Variants in RILPL1 observed in about 807,000 individuals in gnomAD.
RILPL1 encodes the protein Rab interacting lysosomal protein like 1.
RILPL1 carries 33 observed loss-of-function variants against 50.3 expected under a neutral mutation model. The ratio of observed to expected loss-of-function variants is 0.66; its 90% CI spans 0.50 to 0.88. The LOEUF is 0.88. Ranked by LOEUF, RILPL1 falls within the 40% of genes least tolerant of loss-of-function variation. RILPL1 has a pLI of 0.00. For missense variants in RILPL1, 418 were observed against 542.5 expected, an observed-to-expected ratio of 0.77 and a Z score of 2.28; for synonymous variants, 205 against 228.6, an observed-to-expected ratio of 0.90 and a Z score of 0.93.
intron 2 of RILPL1, among the ~76,000 whole-genome samples, chr12:123,508,241 A>C (rs1258571238): frequency 6.6e-6 from 1 of 152,062 alleles, no homozygotes; most frequent in Non-Finnish European, 1.5e-5. Flanking sequence ...TAAAAATAAA[A>C]AAATTAGCCA....
rs1883148687 is a variant in RILPL1 at position 123,498,167 on chromosome 12, C to T, written c.801+377G>A. 6.6e-6 allele frequency among the ~76,000 whole-genome samples: 1 copy of T among 152,014 alleles called. No homozygotes were observed. The highest frequency in any genetic ancestry group is 1.5e-5 in the Non-Finnish European group (1 of 68,004). ...GGGTTCCAACCCCTCAGCTGTGTGT[C>T]CTCAGGCCAGTAGCTTGTTCTCTCT... is the stretch of plus-strand genomic sequence containing the variant. On this transcript the variant is annotated intron_variant, in intron 4 of 6. Transcript: ENST00000376874. This position sits in a 1 kb window ranked among gnomAD's most constrained non-coding sequence, Gnocchi z 4.3.
In RILPL1 at chr12:123,479,100, G is replaced by A. The variant is rs77480543; in HGVS notation, c.1067+5080C>T. Reference sequence around the variant, plus strand: ...CCACCAGAGACTCGGGGAGGGGAGCGGGAAAATGGTGGCGGGGGTGGGAGC... The same window carrying A: ...CCACCAGAGACTCGGGGAGGGGAGCAGGAAAATGGTGGCGGGGGTGGGAGC... On this transcript the variant is annotated intron_variant, in intron 6 of 6. Transcript: ENST00000376874. Among the ~76,000 whole-genome samples, 248 of 152,218 alleles carry A rather than the reference G, an allele frequency of 1.6e-3. 4 individuals are homozygous for A. In the East Asian group the frequency reaches 0.032, roughly 20 times the overall value.
chr12:123,480,638 G>A (rs1307057246), intron 6 of RILPL1, among the ~76,000 whole-genome samples: 1 of 151,964 alleles, frequency 6.6e-6, no homozygotes, highest in Non-Finnish European at 1.5e-5. Context: ...GATAGATTCT[G>A]CTCATCCTCA....
chr12:123,529,529 G>A (rs927736762), intron 1 of RILPL1, among the ~76,000 whole-genome samples: 13 of 151,990 alleles, frequency 8.6e-5, no homozygotes, highest in East Asian at 1.9e-4. Flanking sequence ...CAGCTGCCTC[G>A]GCCTCCCAAA....
intron 6 of RILPL1, among the ~76,000 whole-genome samples, chr12:123,482,620 C>CT (rs1203812533): frequency 0.028 from 3,904 of 139,870 alleles, 181 homozygotes; most frequent in African/African-American, 0.093. Context: ...CTCTCTCTCT[C>CT]TTTTTTTTTT....
intron 2 of RILPL1, among the ~76,000 whole-genome samples, chr12:123,501,378 G>A (rs1173139700): frequency 1.3e-5 from 2 of 151,958 alleles, no homozygotes; most frequent in Non-Finnish European, 2.9e-5. Context: ...CCAGGAGTTC[G>A]AGGCTGCAGT....
At chr12:123,521,628 T>C (rs866648013) in intron 2 of RILPL1, among the ~76,000 whole-genome samples, 3 of 7,158 alleles carry the variant, frequency 4.2e-4, no homozygotes, top group Non-Finnish European at 1.5e-3. Context: ...TGTATATATA[T>C]ACACACATAT....
At chr12:123,511,118 T>C (rs1371765646) in intron 2 of RILPL1, among the ~76,000 whole-genome samples, 5 of 66,100 alleles carry the variant, frequency 7.6e-5, no homozygotes, top group Non-Finnish European at 1.6e-4. Context: ...GTGTGTGTGG[T>C]GTGTGAGGTC....
Position 123,485,591 on chromosome 12 carries a change from G to A in RILPL1, c.974+42C>T. 2 of 1,591,572 alleles carry A rather than the reference G, an allele frequency of 1.3e-6. No individual in the cohort carries two copies. Among genetic ancestry groups the A allele is most frequent in the Non-Finnish European group, 1.7e-6 (2 of 1,166,162 alleles). ...TGTACAGAAACTCTGGCTAACCTCA[G>A]TAAGGAGCCAGCTCGGGCCATCCAG... is the stretch of plus-strand genomic sequence containing the variant. On this transcript the variant is annotated intron_variant, in intron 5 of 6. Transcript: ENST00000376874. This position sits in a 1 kb window ranked among gnomAD's most constrained non-coding sequence, Gnocchi z 4.0.
At chr12:123,517,404 A>T (rs948798811) in intron 2 of RILPL1, among the ~76,000 whole-genome samples, 2 of 150,450 alleles carry the variant, frequency 1.3e-5, no homozygotes, top group Non-Finnish European at 3.0e-5. Context: ...GAGAGAGGGC[A>T]CAGCAATTTT....
At chr12:123,501,372 G>T (rs1313557491) in intron 2 of RILPL1, among the ~76,000 whole-genome samples, 1 of 151,972 alleles carries the variant, frequency 6.6e-6, no homozygotes, top group Admixed American at 6.6e-5. Context: ...TTGAGCCCAG[G>T]AGTTCGAGGC....
At chr12:123,516,702 G>A (rs1884715940) in intron 2 of RILPL1, among the ~76,000 whole-genome samples, 1 of 152,174 alleles carries the variant, frequency 6.6e-6, no homozygotes, top group Non-Finnish European at 1.5e-5. Flanking sequence ...AATTAGTTAA[G>A]ATGAAGTCAT....
At position 123,499,430 on chromosome 12, in the gene RILPL1, C is replaced by G; in HGVS notation, c.567G>C (p.Glu189Asp). The part of the protein sequence containing the change: ...AKDRELGLKN[E>D]DVEALQQQQT... ...GTGTGTCACTCACAGCCTCAACGTCCTCATTTTTCAGGCCCAGCTCCCTGT... is the reference window on the plus strand; with the variant it reads ...GTGTGTCACTCACAGCCTCAACGTCGTCATTTTTCAGGCCCAGCTCCCTGT... Residue 189 changes from glutamate to aspartate, a missense_variant, in exon 3 of 7, where the codon GAG (glutamate) becomes GAC (aspartate). Physicochemically the swap from Glu to Asp is conservative, Grantham distance 45. Transcript: ENST00000376874. 6.2e-7 allele frequency: 1 copy of G among 1,613,570 alleles called. No individual in the cohort carries two copies.
At position 123,471,563 on chromosome 12, in the gene RILPL1, C is replaced by G. The variant is rs1881191333; in HGVS notation, c.*975G>C. On this transcript the variant is annotated 3_prime_UTR_variant, in exon 7 of 7. Coordinates refer to ENST00000376874, the MANE Select transcript of RILPL1 (RefSeq NM_178314.5). ...CAACTCACCAGTTGCAGTAGAGCAT[C>G]TGGCTCTCTGTCTGCTGCTATAGCC... The G allele has an allele frequency of 6.6e-6, 1 of 152,186 alleles. No homozygotes were observed. Among genetic ancestry groups the G allele is most frequent in the Admixed American group, 6.6e-5 (1 of 15,252 alleles). 9.4% of individuals were successfully genotyped at this position (152,186 alleles called of 1,614,324 possible).
chr12:123,481,559 CTTT>C (rs113872165), intron 6 of RILPL1, among the ~76,000 whole-genome samples: 2 of 141,874 alleles, frequency 1.4e-5, no homozygotes. Flanking sequence ...AATTTGTTTT[CTTT>C]TTTTTTTTTT....
intron 4 of RILPL1, among the ~76,000 whole-genome samples, chr12:123,492,296 T>C (rs1190050486): frequency 6.6e-6 from 1 of 151,934 alleles, no homozygotes; most frequent in Non-Finnish European, 1.5e-5. Context: ...TATGAGAACC[T>C]GGATTAACAA....
chr12:123,501,489 C>T (rs532037725), intron 2 of RILPL1, among the ~76,000 whole-genome samples: 8 of 151,548 alleles, frequency 5.3e-5, no homozygotes, highest in African/African-American at 2.4e-5. Context: ...GGCTGGGTGC[C>T]GGTGGCTCAC....
At chr12:123,486,120 C>T (rs779521262) in intron 4 of RILPL1, among the ~76,000 whole-genome samples, 1 of 152,198 alleles carries the variant, frequency 6.6e-6, no homozygotes, top group Non-Finnish European at 1.5e-5. Context: ...CCTCCCCTGC[C>T]CCCACCCTCG....
intron 2 of RILPL1, among the ~76,000 whole-genome samples, 169 bp downstream of exon 2, chr12:123,523,326 T>C (rs1036119679): frequency 2.0e-5 from 3 of 152,226 alleles, no homozygotes; most frequent in East Asian, 1.9e-4. Context: ...GGCTACGTGA[T>C]GTTTCTCTGG....
Sources: gnomAD v4.1 joint callset for allele counts (sites outside exome capture counted in the v4.1 genomes callset) on GRCh38, gnomAD v4.1.1 for gene constraint, Gnocchi (gnomAD v3.1) non-coding constraint, MANE v1.5 for transcripts, NCBI Gene and HGNC (gene_info 2026-07-23, HGNC 2026-07-21) for gene names.